Variants in RLF observed in about 807,000 individuals in gnomAD.
RLF encodes the protein RLF zinc finger.
RLF carries 7 observed loss-of-function variants against 162.9 expected under a neutral mutation model. The ratio of observed to expected loss-of-function variants is 0.04; its 90% CI spans 0.02 to 0.08. The LOEUF (loss-of-function observed/expected upper bound fraction) is 0.08, where lower values mean the gene tolerates loss of function less well. RLF is among the 10% of genes least tolerant of loss of function. RLF has a pLI of 1.00. For synonymous variants in RLF, 782 were observed against 791.5 expected (o/e 0.99, Z 0.20); for missense variants, 1,664 against 2,244.7 (o/e 0.74, Z 5.23).
chr1:40,231,792 A>T (rs956081262), intron 7 of RLF, 134 bp downstream of exon 7: 1 of 745,766 alleles, frequency 1.3e-6, no homozygotes, highest in Non-Finnish European at 2.1e-6. Context: ...AATTGACCAC[A>T]TCTGACTGTT....
At chr1:40,182,051 TAA>T (rs1642410850) in intron 1 of RLF, among the ~76,000 whole-genome samples, 2 of 152,076 alleles carry the variant, frequency 1.3e-5, no homozygotes, top group South Asian at 4.1e-4. Flanking sequence ...TGTGCAGCCA[TAA>T]AAACACTGAC....
rs369105295 is a variant in RLF at position 40,165,433 on chromosome 1, G to A, written c.237+3797G>A. Among the ~76,000 whole-genome samples, 13 of 152,296 alleles carry A rather than the reference G, an allele frequency of 8.5e-5. 1 individual carries two copies. The highest frequency in any genetic ancestry group is 3.9e-4 in the East Asian group (2 of 5,192). ...ATTAACTACGTTAACGAGATCTCAGGCCGTGTCTTTCCCTTTCATTGTGTG... is the reference window on the plus strand; with the variant it reads ...ATTAACTACGTTAACGAGATCTCAGACCGTGTCTTTCCCTTTCATTGTGTG... On this transcript the variant is annotated intron_variant, in intron 1 of 7. Transcript: ENST00000372771.
chr1:40,203,232 A>G lies in RLF; in HGVS notation c.810+618A>G, dbSNP rs541485193. Among the ~76,000 whole-genome samples, 6 of 149,292 alleles carry G rather than the reference A, an allele frequency of 4.0e-5. No homozygotes were observed. The South Asian group carries it at 1.3e-3, about 31-fold the overall frequency. On this transcript the variant is annotated intron_variant, in intron 5 of 7. Transcript: ENST00000372771. ...CGGGTTCAAGTGATTCTTGTGCCTCAGCCTCCCAAGTAGCTGGGACTAAAG... is the reference window on the plus strand; with the variant it reads ...CGGGTTCAAGTGATTCTTGTGCCTCGGCCTCCCAAGTAGCTGGGACTAAAG...
At chr1:40,167,506 C>T (rs1211780567) in intron 1 of RLF, among the ~76,000 whole-genome samples, 1 of 152,002 alleles carries the variant, frequency 6.6e-6, no homozygotes, top group Non-Finnish European at 1.5e-5. Flanking sequence ...TGTACTGTGA[C>T]CTCTAGTGGT....
intron 5 of RLF, among the ~76,000 whole-genome samples, chr1:40,219,644 A>C (rs1462485180): frequency 1.3e-5 from 2 of 152,214 alleles, no homozygotes; most frequent in African/African-American, 4.8e-5. Flanking sequence ...GATGGAAGTA[A>C]AACAGTCAAG....
chr1:40,187,026 GT>G (rs1417836443), intron 1 of RLF, among the ~76,000 whole-genome samples: 1 of 150,994 alleles, frequency 6.6e-6, no homozygotes, highest in Non-Finnish European at 1.5e-5. Flanking sequence ...AAATTTCTTT[GT>G]TTTTTGTTTT....
chr1:40,231,257 T>A (rs993088054), intron 6 of RLF, among the ~76,000 whole-genome samples: 14 of 152,216 alleles, frequency 9.2e-5, no homozygotes, highest in Non-Finnish European at 2.1e-4. Flanking sequence ...AAGTTTTTTT[T>A]AAATGCCACT....
Position 40,231,666 on chromosome 1 carries a change from CT to C in RLF, c.1089+11del. The C allele has an allele frequency of 6.2e-7, 1 of 1,602,572 alleles. No homozygotes were observed. The highest frequency in any genetic ancestry group is 1.1e-5 in the South Asian group (1 of 88,778). On this transcript the variant is annotated intron_variant, in intron 7 of 7. Transcript: ENST00000372771. ...AGAGTTATACAAACTGAAGTGAGTACTTTATGCCTTCTCTGCTAACTGTAGC... is the reference window on the plus strand; with the variant it reads ...AGAGTTATACAAACTGAAGTGAGTACTTATGCCTTCTCTGCTAACTGTAGC...
At chr1:40,192,173 C>T (rs140565661) in intron 3 of RLF, among the ~76,000 whole-genome samples, 4 of 152,282 alleles carry the variant, frequency 2.6e-5, no homozygotes, top group African/African-American at 4.8e-5. Context: ...CTCACATATC[C>T]GTACAGCTGC....
intron 1 of RLF, among the ~76,000 whole-genome samples, chr1:40,162,615 A>G (rs971579965): frequency 2.0e-5 from 3 of 152,166 alleles, no homozygotes; most frequent in South Asian, 2.1e-4. Flanking sequence ...GCGGCGTTCT[A>G]AAATAATAAT....
rs1251811524 is a variant in RLF at position 40,202,848 on chromosome 1, G to A, written c.810+234G>A. 3.3e-5 allele frequency among the ~76,000 whole-genome samples: 5 copies of A among 152,020 alleles called. No individual in the cohort carries two copies. In the East Asian group the frequency reaches 9.6e-4, roughly 29 times the overall value. On this transcript the variant is annotated intron_variant, in intron 5 of 7. Transcript: ENST00000372771. ...TATACAGAGGCATGTTTACTTATTT[G>A]GGTGATGATTTGCTGTGAAATCTTT...
intron 1 of RLF, among the ~76,000 whole-genome samples, chr1:40,187,704 TTC>T (rs988693066): frequency 6.6e-6 from 1 of 152,082 alleles, no homozygotes; most frequent in African/African-American, 2.4e-5. Context: ...TGTAAGTTGT[TTC>T]TCTCTCTCTC....
At chr1:40,191,275 C>T (rs955841826) in intron 3 of RLF, among the ~76,000 whole-genome samples, 8 of 152,150 alleles carry the variant, frequency 5.3e-5, no homozygotes, top group Non-Finnish European at 7.3e-5. Context: ...TAGTAGCTCA[C>T]GGCTGTAATC....
At chr1:40,175,379 G>A (rs1326266826) in intron 1 of RLF, among the ~76,000 whole-genome samples, 6 of 151,896 alleles carry the variant, frequency 4.0e-5, no homozygotes, top group South Asian at 4.2e-4. Flanking sequence ...GGCCAGGCAC[G>A]GTGGCTCACA....
Position 40,195,760 on chromosome 1 carries a change from G to A in RLF, c.603G>A (p.Glu201=), listed in dbSNP as rs1642627030. 1.2e-6 allele frequency: 2 copies of A among 1,613,396 alleles called. No homozygotes were observed. The change falls in exon 4 of 8, where the codon GAG becomes GAA. Residue 201 remains glutamate (E), a synonymous_variant. Transcript: ENST00000372771. Reference sequence around the variant, plus strand: ...TGTCTCAACAGCCAGTAGAAACGGAGGAAGGTAAGTCTTAAGACTATATTG... The same window carrying A: ...TGTCTCAACAGCCAGTAGAAACGGAAGAAGGTAAGTCTTAAGACTATATTG... ...KILSQQPVET[E]EVNKLIAQEG... is the part of the protein sequence containing the mutation.
At chr1:40,201,041 A>C (rs868038622) in intron 4 of RLF, among the ~76,000 whole-genome samples, 58 of 21,230 alleles carry the variant, frequency 2.7e-3, no homozygotes, top group East Asian at 4.2e-3. Flanking sequence ...AAACACACAC[A>C]CCCCCCCCAC....
rs757594592 is a variant in RLF, at chr1:40,239,553, C to T, written c.4851C>T (p.Ser1617=). Residue 1617 remains serine, a synonymous_variant, in exon 8 of 8, where the codon AGC becomes AGT. Transcript: ENST00000372771. ...DPCIKKEENR[S]CESERTEHSH... is the part of the protein sequence containing the mutation. ...GTATAAAGAAAGAAGAAAATAGAAG[C>T]TGTGAATCAGAGCGCACAGAACACA... is the stretch of plus-strand genomic sequence containing the variant. The T allele has an allele frequency of 2.5e-6, 4 of 1,614,110 alleles. No homozygotes were observed. The African/African-American group carries it at 4.0e-5, about 16-fold the overall frequency.
intron 1 of RLF, among the ~76,000 whole-genome samples, chr1:40,167,901 T>A (rs1476643296): frequency 6.6e-6 from 1 of 151,676 alleles, no homozygotes; most frequent in Non-Finnish European, 1.5e-5. Context: ...AATAAGCAAG[T>A]CTTAACTGTC....
intron 1 of RLF, among the ~76,000 whole-genome samples, chr1:40,175,209 G>C (rs907282857): frequency 6.9e-6 from 1 of 144,678 alleles, no homozygotes; most frequent in Non-Finnish European, 1.5e-5. Context: ...TGGGGGTGGG[G>C]GGGGGAGTTA....
Sources: gnomAD v4.1 joint callset for allele counts (sites outside exome capture counted in the v4.1 genomes callset) on GRCh38, gnomAD v4.1.1 for gene constraint, MANE v1.5 for transcripts, NCBI Gene and HGNC (gene_info 2026-07-23, HGNC 2026-07-21) for gene names.